HS3ST4: variants seen among roughly 807,000 people sequenced by gnomAD.
HS3ST4 encodes the protein heparan sulfate-glucosamine 3-sulfotransferase 4, also known as heparan sulfate glucosamine 3-O-sulfotransferase 4.
In HS3ST4, 17 loss-of-function variants were observed where a neutral mutation model predicts 29.2. That is an observed-to-expected ratio of 0.58 (90% CI 0.40 to 0.87). HS3ST4 has a LOEUF of 0.87. Ranked by LOEUF, HS3ST4 falls within the 40% of genes least tolerant of loss-of-function variation. The pLI, the probability that HS3ST4 is intolerant of heterozygous loss-of-function variation, is 0.00. For missense variants in HS3ST4, 627 were observed against 634.5 expected, an observed-to-expected ratio of 0.99 and a Z score of 0.13; for synonymous variants, 314 against 285.7, an observed-to-expected ratio of 1.10 and a Z score of -1.00.
chr16:25,766,867 G>T (rs1966822840), intron 1 of HS3ST4, among the ~76,000 whole-genome samples: 1 of 152,096 alleles, frequency 6.6e-6, no homozygotes, highest in Non-Finnish European at 1.5e-5. Context: ...CCATTTTAAA[G>T]ATAAGAAAAG....
At chr16:25,750,922 T>A (rs187520146) in intron 1 of HS3ST4, among the ~76,000 whole-genome samples, 81 of 152,338 alleles carry the variant, frequency 5.3e-4, no homozygotes, top group African/African-American at 1.9e-3. Context: ...GTCTCTATCA[T>A]TATTTCATTT....
chr16:25,899,178 T>C (rs1480735053), intron 1 of HS3ST4, among the ~76,000 whole-genome samples: 2 of 152,252 alleles, frequency 1.3e-5, no homozygotes, highest in Non-Finnish European at 2.9e-5. Flanking sequence ...TGCATTTATT[T>C]CAGATGTTAC....
chr16:25,822,773 T>G (rs1967173806), intron 1 of HS3ST4, among the ~76,000 whole-genome samples: 1 of 152,080 alleles, frequency 6.6e-6, no homozygotes, highest in Non-Finnish European at 1.5e-5. Context: ...GGTCTTTCTC[T>G]GTCACCCAGG....
At chr16:25,747,557 C>T (rs1335067920) in intron 1 of HS3ST4, among the ~76,000 whole-genome samples, 1 of 152,230 alleles carries the variant, frequency 6.6e-6, no homozygotes, top group Admixed American at 6.5e-5. Flanking sequence ...ATCCTCACGA[C>T]TCTTATCAGG....
At chr16:26,008,018 G>T (rs1969273735) in intron 1 of HS3ST4, among the ~76,000 whole-genome samples, 1 of 151,996 alleles carries the variant, frequency 6.6e-6, no homozygotes, top group African/African-American at 2.4e-5. Flanking sequence ...GGGAGCCAGA[G>T]ATCACCTCCA....
At chr16:25,765,206 CT>C (rs575411640) in intron 1 of HS3ST4, among the ~76,000 whole-genome samples, 2 of 152,046 alleles carry the variant, frequency 1.3e-5, no homozygotes, top group East Asian at 3.8e-4. Flanking sequence ...GAAGCAGACT[CT>C]TTTTTTTGAA....
chr16:25,704,437 G>A (rs1286311412), intron 1 of HS3ST4, among the ~76,000 whole-genome samples: 1 of 152,144 alleles, frequency 6.6e-6, no homozygotes, highest in Admixed American at 6.5e-5. Flanking sequence ...AGCTCCCATA[G>A]CAGGATGTCC....
intron 1 of HS3ST4, among the ~76,000 whole-genome samples, chr16:25,805,123 T>C (rs569253951): frequency 6.6e-6 from 1 of 152,268 alleles, no homozygotes; most frequent in African/African-American, 2.4e-5. Flanking sequence ...TAAAAAATTT[T>C]CAGAGGAAAA....
At chr16:26,120,115 A>G (rs1156602498) in intron 1 of HS3ST4, among the ~76,000 whole-genome samples, 2 of 151,730 alleles carry the variant, frequency 1.3e-5, no homozygotes, top group Non-Finnish European at 2.9e-5. Context: ...CAGATACTCT[A>G]CAGGGAATTA....
At chr16:25,848,538 A>G (rs941811547) in intron 1 of HS3ST4, among the ~76,000 whole-genome samples, 3 of 152,024 alleles carry the variant, frequency 2.0e-5, no homozygotes, top group Non-Finnish European at 2.9e-5. Context: ...GATCCATTTA[A>G]TCTAGATGTT....
At chr16:25,752,926 A>G (rs1010729258) in intron 1 of HS3ST4, among the ~76,000 whole-genome samples, 2 of 152,218 alleles carry the variant, frequency 1.3e-5, no homozygotes, top group African/African-American at 2.4e-5. Flanking sequence ...TGACGGTATT[A>G]TAGAGGGAGT....
chr16:25,737,807 C>T (rs1443045170), intron 1 of HS3ST4, among the ~76,000 whole-genome samples: 1 of 152,158 alleles, frequency 6.6e-6, no homozygotes, highest in East Asian at 1.9e-4. Flanking sequence ...TCTCCCTTCT[C>T]CCATCTTTGC....
intron 1 of HS3ST4, among the ~76,000 whole-genome samples, chr16:25,742,952 A>C (rs917920207): frequency 6.6e-6 from 1 of 152,172 alleles, no homozygotes; most frequent in African/African-American, 2.4e-5. Flanking sequence ...GATGCTCCAC[A>C]TGTTGTTATA....
At chr16:25,718,826 A>G (rs1966474826) in intron 1 of HS3ST4, among the ~76,000 whole-genome samples, 1 of 152,232 alleles carries the variant, frequency 6.6e-6, no homozygotes, top group South Asian at 2.1e-4. Flanking sequence ...CAATAATTGA[A>G]GCCATGGTCT....
intron 1 of HS3ST4, among the ~76,000 whole-genome samples, chr16:26,044,951 C>T (rs1898247702): frequency 2.0e-5 from 3 of 152,158 alleles, no homozygotes; most frequent in Non-Finnish European, 4.4e-5. Flanking sequence ...GGATTGATTG[C>T]TGACCAGTCT....
At chr16:26,071,649 T>C (rs1216463389) in intron 1 of HS3ST4, among the ~76,000 whole-genome samples, 2 of 152,164 alleles carry the variant, frequency 1.3e-5, no homozygotes, top group East Asian at 1.9e-4. Flanking sequence ...TTAAAATACA[T>C]GCATTAGTCA....
intron 1 of HS3ST4, among the ~76,000 whole-genome samples, chr16:25,792,964 A>G (rs1465215747): frequency 1.3e-5 from 2 of 151,868 alleles, no homozygotes; most frequent in Admixed American, 6.6e-5. Context: ...TCTACCAACT[A>G]TATTTTCATT....
intron 1 of HS3ST4, among the ~76,000 whole-genome samples, chr16:25,739,906 C>G (rs1430366336): frequency 2.0e-5 from 3 of 152,146 alleles, no homozygotes; most frequent in Admixed American, 2.0e-4. Context: ...AAGGCTTTTT[C>G]TTTTTACAGA....
chr16:25,833,711 A>C (rs1158336616), intron 1 of HS3ST4, among the ~76,000 whole-genome samples: 1 of 152,224 alleles, frequency 6.6e-6, no homozygotes, highest in Non-Finnish European at 1.5e-5. Context: ...TGCCGTGGAC[A>C]GGGGAGACTC....
Sources: gnomAD v4.1 joint callset for allele counts (sites outside exome capture counted in the v4.1 genomes callset) on GRCh38, gnomAD v4.1.1 for gene constraint, MANE v1.5 for transcripts, NCBI Gene and HGNC (gene_info 2026-07-23, HGNC 2026-07-21) for gene names.